Variants in MAPK6 observed in about 807,000 individuals in gnomAD.
The protein encoded by MAPK6 is ERK-3.
MAPK6 carries 19 observed loss-of-function variants against 59.3 expected under a neutral mutation model. The ratio of observed to expected loss-of-function variants is 0.32; its 90% CI spans 0.22 to 0.47. MAPK6 has a LOEUF of 0.47. MAPK6 is among the 20% of genes least tolerant of loss of function. The pLI is 1.00. For synonymous variants in MAPK6, 316 were observed against 290.3 expected (o/e 1.09, Z -0.90); for missense variants, 724 against 847.9 (o/e 0.85, Z 1.81).
At chr15:52,044,812 A>G (rs1411415581) in intron 1 of MAPK6, among the ~76,000 whole-genome samples, 1 of 152,024 alleles carries the variant, frequency 6.6e-6, no homozygotes, top group Non-Finnish European at 1.5e-5. Flanking sequence ...GTAATCTGCC[A>G]TGTTTGTTAT....
At chr15:52,044,579 A>G (rs969529156) in intron 1 of MAPK6, among the ~76,000 whole-genome samples, 1 of 151,970 alleles carries the variant, frequency 6.6e-6, no homozygotes, top group African/African-American at 2.4e-5. Flanking sequence ...ATAATGCCTC[A>G]TATCTGGTAT....
chr15:51,986,414 C>T (rs954255828), intron 2 of MAPK6, among the ~76,000 whole-genome samples: 15 of 151,952 alleles, frequency 9.9e-5, no homozygotes, highest in Admixed American at 7.9e-4. Flanking sequence ...TACAGTTGCA[C>T]AAGAAAATGT....
At chr15:52,000,984 A>T (rs1259333846) in intron 2 of MAPK6, among the ~76,000 whole-genome samples, 1 of 152,068 alleles carries the variant, frequency 6.6e-6, no homozygotes, top group African/African-American at 2.4e-5. Context: ...CTCTTGTTGA[A>T]AATCCATTGC....
chr15:51,982,466 G>A (rs1397319121), intron 1 of MAPK6, among the ~76,000 whole-genome samples: 2 of 152,122 alleles, frequency 1.3e-5, no homozygotes, highest in Admixed American at 6.5e-5. Context: ...ACCCTAAAGA[G>A]ATCTCAATCA....
intron 2 of MAPK6, among the ~76,000 whole-genome samples, chr15:51,993,439 A>C (rs576851674): frequency 6.6e-6 from 1 of 152,332 alleles, no homozygotes; most frequent in East Asian, 1.9e-4. Context: ...GGAAGGATTG[A>C]TTAAATAAGT....
chr15:51,985,486 A>C (rs3099571), intron 2 of MAPK6, among the ~76,000 whole-genome samples: 16,603 of 148,938 alleles, frequency 0.11, 2,293 homozygotes, highest in African/African-American at 0.32. Context: ...GAAACCCCAT[A>C]TCTACTAAAA....
intron 1 of MAPK6, among the ~76,000 whole-genome samples, chr15:51,976,473 C>G (rs1174044314): frequency 6.6e-6 from 1 of 151,306 alleles, no homozygotes; most frequent in East Asian, 1.9e-4. Flanking sequence ...GAACATTGAC[C>G]AGCTTATCAA....
chr15:52,064,530 A>G lies in MAPK6; in HGVS notation c.1696A>G (p.Ile566Val), dbSNP rs1421124344. The G allele has an allele frequency of 2.5e-6, 4 of 1,610,686 alleles. No individual in the cohort carries two copies. The highest frequency in any genetic ancestry group is 3.4e-6 in the Non-Finnish European group (4 of 1,179,476). Residue 566 changes from isoleucine to valine, a missense_variant, in exon 6 of 6, where the codon ATA (isoleucine) becomes GTA (valine). By Grantham distance (29) the Ile-to-Val change is conservative. Transcript: ENST00000261845. ...SVSQLELKSLISKSVSQEKQE... is the reference protein window; with the variant it reads ...SVSQLELKSLVSKSVSQEKQE... Reference sequence around the variant, plus strand: ...GTCCCAACTAGAATTGAAAAGTTTGATATCAAAGTCAGTAAGCCAAGAAAA... The same window carrying G: ...GTCCCAACTAGAATTGAAAAGTTTGGTATCAAAGTCAGTAAGCCAAGAAAA...
At chr15:52,025,874 C>G (rs2030754006) in intron 1 of MAPK6, among the ~76,000 whole-genome samples, 1 of 152,194 alleles carries the variant, frequency 6.6e-6, no homozygotes, top group African/African-American at 2.4e-5. Flanking sequence ...AAAATCTAAG[C>G]TGTAATTTAA....
intron 2 of MAPK6, among the ~76,000 whole-genome samples, chr15:52,000,915 T>C (rs1843596365): frequency 6.6e-6 from 1 of 151,670 alleles, no homozygotes; most frequent in African/African-American, 2.4e-5. Flanking sequence ...GTAGCATACA[T>C]TGTCCCCAAT....
chr15:52,025,843 T>C (rs1942127488), intron 1 of MAPK6, among the ~76,000 whole-genome samples: 1 of 152,238 alleles, frequency 6.6e-6, no homozygotes, highest in Non-Finnish European at 1.5e-5. Context: ...AGCACAGATC[T>C]AGATGATCTT....
chr15:52,043,656 A>G (rs1470558596), intron 1 of MAPK6, among the ~76,000 whole-genome samples: 3 of 150,436 alleles, frequency 2.0e-5, no homozygotes, highest in Non-Finnish European at 3.0e-5. Flanking sequence ...ATATAACAAC[A>G]TTGAAAATCC....
upstream of MAPK6, among the ~76,000 whole-genome samples, chr15:52,016,314 G>A (rs1172927819): frequency 8.6e-5 from 13 of 151,490 alleles, no homozygotes; most frequent in South Asian, 1.9e-3. Context: ...GCTTGAACCC[G>A]GGAGGCGGAG....
intron 2 of MAPK6, among the ~76,000 whole-genome samples, chr15:51,985,589 AG>A (rs1221729158): frequency 1.3e-5 from 2 of 151,974 alleles, no homozygotes; most frequent in Non-Finnish European, 2.9e-5. Flanking sequence ...TGGGAGATGG[AG>A]GTTGCAGTGA....
At chr15:52,054,395 AC>A (rs1180113238) in intron 3 of MAPK6, among the ~76,000 whole-genome samples, 4 of 151,992 alleles carry the variant, frequency 2.6e-5, no homozygotes, top group Admixed American at 2.6e-4. Context: ...GAAGGGATTA[AC>A]TTTTACACAT....
chr15:52,050,742 C>G (rs1356489486), intron 3 of MAPK6, among the ~76,000 whole-genome samples: 1 of 152,150 alleles, frequency 6.6e-6, no homozygotes, highest in Non-Finnish European at 1.5e-5. Flanking sequence ...AGATTTTTCA[C>G]TATTTAGAAG....
intron 2 of MAPK6, among the ~76,000 whole-genome samples, chr15:51,992,718 G>C (rs1265322358): frequency 1.3e-5 from 2 of 152,114 alleles, no homozygotes; most frequent in Non-Finnish European, 2.9e-5. Flanking sequence ...CAATTAGTTT[G>C]CTAGAGTGGC....
At chr15:52,024,377 A>G (rs529074180) in intron 1 of MAPK6, among the ~76,000 whole-genome samples, 4 of 151,772 alleles carry the variant, frequency 2.6e-5, no homozygotes, top group Non-Finnish European at 4.4e-5. Flanking sequence ...CTGAATTAGA[A>G]TCTTAGAATC....
chr15:51,975,948 A>G (rs2057155937), intron 1 of MAPK6, among the ~76,000 whole-genome samples: 2 of 151,888 alleles, frequency 1.3e-5, no homozygotes, highest in African/African-American at 4.8e-5. Context: ...TATAAAAATA[A>G]TGACAAACAT....
Sources: gnomAD v4.1 joint callset for allele counts (sites outside exome capture counted in the v4.1 genomes callset) on GRCh38, gnomAD v4.1.1 for gene constraint, MANE v1.5 for transcripts, NCBI Gene and HGNC (gene_info 2026-07-23, HGNC 2026-07-21) for gene names.